TUBG2: variants seen among roughly 807,000 people sequenced by gnomAD.
TUBG2 encodes tubulin gamma 2.
TUBG2 carries 39 observed loss-of-function variants against 55.1 expected under a neutral mutation model. The observed-to-expected ratio is 0.71, with a 90% CI of 0.55 to 0.93. The LOEUF (loss-of-function observed/expected upper bound fraction) is 0.93. Among genes scored for constraint, TUBG2 ranks in the 40% least tolerant of loss-of-function variants. The probability of loss-of-function intolerance (pLI) is 0.00; values close to 1 mark genes in which losing one functional copy is unlikely to be tolerated. For missense variants in TUBG2, 358 were observed against 599.1 expected (o/e 0.60, Z 4.20); for synonymous variants, 223 against 241.0 (o/e 0.93, Z 0.69).
rs2052326128 is a variant in TUBG2, at chr17:42,659,345, C to G, written c.-159C>G. 1.4e-6 allele frequency: 1 copy of G among 692,340 alleles called. No individual in the cohort carries two copies. Among genetic ancestry groups the G allele is most frequent in the East Asian group, 3.3e-5 (1 of 30,584 alleles). The allele number at this position is 692,340 out of a possible 1,614,324, so 42.9% of individuals were successfully genotyped here. On this transcript the variant is annotated 5_prime_UTR_variant, in exon 1 of 11. Coordinates refer to ENST00000251412, the MANE Select transcript of TUBG2 (RefSeq NM_016437.3). ...CAGGTTGGGCTCCCCGGCCCACCGGCCGAGGAGAGGCCTGCGCTGCACACG... is the reference window on the plus strand; with the variant it reads ...CAGGTTGGGCTCCCCGGCCCACCGGGCGAGGAGAGGCCTGCGCTGCACACG...
rs199687730 is a variant in TUBG2 at position 42,666,699 on chromosome 17, G to A, written c.1255G>A (p.Asp419Asn). ...RKEDMFKDNF[D>N]EMDRSREVVQ... Reference sequence around the variant, plus strand: ...GGAGGACATGTTCAAGGACAACTTTGATGAGATGGACAGGTCTAGGGAGGT... The same window carrying A: ...GGAGGACATGTTCAAGGACAACTTTAATGAGATGGACAGGTCTAGGGAGGT... The change falls in exon 11 of 11, where the codon GAT becomes AAT. Residue 419 changes from aspartate (D) to asparagine (N), a missense_variant. By Grantham distance (23) the Asp-to-Asn change is conservative. This residue lies in a region of TUBG2 where 54 missense variants were observed against 50.2 expected (regional missense o/e 1.08). Coordinates refer to ENST00000251412, the MANE Select transcript of TUBG2 (RefSeq NM_016437.3). 6.2e-7 allele frequency: 1 copy of A among 1,614,192 alleles called. No individual in the cohort carries two copies. Among genetic ancestry groups the A allele is most frequent in the East Asian group, 2.2e-5 (1 of 44,888 alleles).
At chr17:42,664,187 G>A (rs935744858) in intron 6 of TUBG2, among the ~76,000 whole-genome samples, 1 of 151,752 alleles carries the variant, frequency 6.6e-6, no homozygotes, top group African/African-American at 2.4e-5. Context: ...GAGGTGGGGG[G>A]ATTGCTTGAG....
rs2052562401 is a variant in TUBG2, at chr17:42,666,866, C to T, written c.*66C>T. 7.0e-6 allele frequency: 11 copies of T among 1,564,382 alleles called. No individual in the cohort carries two copies. In the East Asian group the frequency reaches 2.0e-4, roughly 29 times the overall value. On this transcript the variant is annotated 3_prime_UTR_variant, in exon 11 of 11. Transcript: ENST00000251412. The stretch of plus-strand genomic sequence containing the variant: ...ACAGCCTCGACCATGCCTGCTCCCT[C>T]TGACCCAGCTTCACCTCATGGACAA...
At position 42,660,679 on chromosome 17, in the gene TUBG2, G is replaced by A. The variant is rs2052362113; in HGVS notation, c.371G>A (p.Arg124Gln). The change falls in exon 4 of 11, where the codon CGA becomes CAA. Residue 124 changes from arginine to glutamine, a missense_variant. Coordinates refer to ENST00000251412, the MANE Select transcript of TUBG2 (RefSeq NM_016437.3). ...IHEDIFDIID[R>Q]EADGSDSLEG... is the part of the protein sequence containing the mutation. ...GAAGACATCTTTGACATCATAGACC[G>A]AGAAGCAGATGGAAGTGACAGTTTG... 6.2e-7 allele frequency: 1 copy of A among 1,614,154 alleles called. No homozygotes were observed. Among genetic ancestry groups the A allele is most frequent in the Non-Finnish European group, 8.5e-7 (1 of 1,180,034 alleles).
chr17:42,659,313 T>A lies in TUBG2; in HGVS notation c.-191T>A. Reference sequence around the variant, plus strand: ...CAGCTGCGACTGCTGAGGGAGAAAATGATGCCCAGGTTGGGCTCCCCGGCC... The same window carrying A: ...CAGCTGCGACTGCTGAGGGAGAAAAAGATGCCCAGGTTGGGCTCCCCGGCC... On this transcript the variant is annotated 5_prime_UTR_variant, in exon 1 of 11. An upstream start codon of the reference 5' UTR is lost. Transcript: ENST00000251412. 1 of 545,694 alleles carries A rather than the reference T, an allele frequency of 1.8e-6. No individual in the cohort carries two copies. The highest frequency in any genetic ancestry group is 2.5e-5 in the South Asian group (1 of 40,306). 33.8% of individuals were successfully genotyped at this position (545,694 alleles called of 1,614,324 possible). A position where few individuals can be genotyped will look rare whatever the true frequency, so the allele number is the denominator to read the frequency against.
At chr17:42,665,644 G>T in intron 7 of TUBG2, 34 bp from the exon 8 acceptor site, 1 of 1,614,056 alleles carries the variant, frequency 6.2e-7, no homozygotes, top group East Asian at 2.2e-5. Context: ...TCCCACCCAG[G>T]CCGAGCCCCA....
At chr17:42,660,906 C>T in intron 4 of TUBG2, 199 bp downstream of exon 4, 1 of 549,280 alleles carries the variant, frequency 1.8e-6, no homozygotes, top group East Asian at 3.1e-5. Context: ...ATGGCACCGG[C>T]CCCTTAGGCA....
Position 42,665,532 on chromosome 17 carries a change from G to C in TUBG2, c.663G>C (p.Gln221His), listed in dbSNP as rs1033685521. 1.2e-6 allele frequency: 2 copies of C among 1,614,090 alleles called. No homozygotes were observed. The highest frequency in any genetic ancestry group is 1.7e-6 in the Non-Finnish European group (2 of 1,180,020). ...TTGCCACAGACCGCCTGCACATCCA[G>C]AACCCGTCCTTCTCCCAGATCAACC... The part of the protein sequence containing the change: ...NRIATDRLHI[Q>H]NPSFSQINQL... The change falls in exon 7 of 11, where the codon CAG (glutamine) becomes CAC (histidine). Residue 221 changes from glutamine (Q) to histidine (H), a missense_variant. Gln to His is a conservative substitution (Grantham distance 24). This residue lies in a region of TUBG2 where 52 missense variants were observed against 53.8 expected (regional missense o/e 0.97). Coordinates refer to ENST00000251412, the MANE Select transcript of TUBG2 (RefSeq NM_016437.3).
intron 3 of TUBG2, 67 bp downstream of exon 3, chr17:42,660,383 T>C: frequency 6.2e-7 from 1 of 1,604,218 alleles, no homozygotes; most frequent in Admixed American, 1.7e-5. Context: ...CTCAAGCTAC[T>C]AGGAATTTGA....
In TUBG2 at chr17:42,665,537, C is replaced by T. The variant is rs1197164337; in HGVS notation, c.668C>T (p.Pro223Leu). 12 of 1,614,132 alleles carry T rather than the reference C, an allele frequency of 7.4e-6. No homozygotes were observed. The highest frequency in any genetic ancestry group is 5.3e-5 in the African/African-American group (4 of 75,026). Residue 223 changes from proline (P) to leucine (L), a missense_variant, in exon 7 of 11, where the codon CCG becomes CTG. This residue lies in a region of TUBG2 where 52 missense variants were observed against 53.8 expected (regional missense o/e 0.97). Transcript: ENST00000251412. ...IATDRLHIQN[P>L]SFSQINQLVS... is the part of the protein sequence containing the mutation. ...ACAGACCGCCTGCACATCCAGAACCCGTCCTTCTCCCAGATCAACCAGCTG... is the reference window on the plus strand; with the variant it reads ...ACAGACCGCCTGCACATCCAGAACCTGTCCTTCTCCCAGATCAACCAGCTG...
intron 4 of TUBG2, among the ~76,000 whole-genome samples, chr17:42,661,544 G>A (rs1316921184): frequency 3.9e-5 from 6 of 152,214 alleles, no homozygotes; most frequent in Admixed American, 6.5e-5. Flanking sequence ...GGTCATGCCT[G>A]TGTAATGAAG....
At chr17:42,661,281 T>C (rs536147625) in intron 4 of TUBG2, 1 of 153,052 alleles carries the variant, frequency 6.5e-6, no homozygotes, top group African/African-American at 2.4e-5. Context: ...TAGTTTAATC[T>C]TTCATTTTAT....
chr17:42,663,160 G>C lies in TUBG2; in HGVS notation c.479+108G>C, dbSNP rs748014461. On this transcript the variant is annotated intron_variant, in intron 5 of 10. Coordinates refer to ENST00000251412, the MANE Select transcript of TUBG2 (RefSeq NM_016437.3). ...GCCACTACCCCTTTTGAGTCATAGGGACAGACCCACCCAAGGACCATGTTG... is the reference window on the plus strand; with the variant it reads ...GCCACTACCCCTTTTGAGTCATAGGCACAGACCCACCCAAGGACCATGTTG... 2.2e-6 allele frequency: 3 copies of C among 1,339,804 alleles called. No homozygotes were observed. The East Asian group carries it at 6.9e-5, about 31-fold the overall frequency. The allele number at this position is 1,339,804 out of a possible 1,614,324, so 83.0% of individuals were successfully genotyped here. A position where few individuals can be genotyped will look rare whatever the true frequency, so the allele number is the denominator to read the frequency against.
rs766238368 is a variant in TUBG2, at chr17:42,659,924, G to T, written c.140G>T (p.Arg47Leu). The change falls in exon 2 of 11, where the codon CGC (arginine) becomes CTC (leucine). Residue 47 changes from arginine (R) to leucine (L), a missense_variant. By Grantham distance (102) the Arg-to-Leu change is moderately radical (BLOSUM62 -2). Transcript: ENST00000251412. ...VEEFATEGTD[R>L]KDVFFYQADD... ...GAATTCGCCACCGAGGGCACTGACC[G>T]CAAGGACGTCTTTTTCTACCAGGTG... 6.2e-7 allele frequency: 1 copy of T among 1,609,958 alleles called. No homozygotes were observed. Among genetic ancestry groups the T allele is most frequent in the African/African-American group, 1.3e-5 (1 of 74,490 alleles).
chr17:42,664,325 A>G (rs2052464601), intron 6 of TUBG2, among the ~76,000 whole-genome samples: 1 of 150,968 alleles, frequency 6.6e-6, no homozygotes, highest in African/African-American at 2.4e-5. Context: ...TCCTCAGGCC[A>G]GTGAGTCTCA....
chr17:42,659,672 G>T, intron 1 of TUBG2, 120 bp downstream of exon 1: 1 of 1,385,902 alleles, frequency 7.2e-7, no homozygotes, highest in Non-Finnish European at 9.8e-7. Flanking sequence ...TGCTGCTCTG[G>T]ATAACCCAGA....
At chr17:42,665,848 C>T (rs767773317) in intron 8 of TUBG2, 21 bp downstream of exon 8, 1 of 1,614,018 alleles carries the variant, frequency 6.2e-7, no homozygotes, top group Non-Finnish European at 8.5e-7. Context: ...CCTTCAGTGT[C>T]CCAGGCCAGG....
chr17:42,666,509 T>C (rs887847535), intron 10 of TUBG2, 25 bp downstream of exon 10: 4 of 1,613,810 alleles, frequency 2.5e-6, no homozygotes, highest in Non-Finnish European at 2.5e-6. Context: ...CTATTCTTCT[T>C]AGAAGAGTCT....
In TUBG2 at chr17:42,659,391, C is replaced by A; in HGVS notation, c.-113C>A. Reference sequence around the variant, plus strand: ...ACACGCGCAGACCGAGCATCCGCGTCAAGAGGCGAAGAGAGCGCGCGCTCC... The same window carrying A: ...ACACGCGCAGACCGAGCATCCGCGTAAAGAGGCGAAGAGAGCGCGCGCTCC... On this transcript the variant is annotated 5_prime_UTR_variant, in exon 1 of 11. An upstream open reading frame in the 5' UTR gains an earlier in-frame stop. Transcript: ENST00000251412. 1.7e-6 allele frequency: 2 copies of A among 1,159,732 alleles called. No homozygotes were observed. The highest frequency in any genetic ancestry group is 1.6e-5 in the South Asian group (1 of 64,236). 71.8% of individuals were successfully genotyped at this position (1,159,732 alleles called of 1,614,324 possible).
Sources: gnomAD v4.1 joint callset for allele counts (sites outside exome capture counted in the v4.1 genomes callset) on GRCh38, gnomAD v4.1.1 for gene constraint, gnomAD v4.1.1 regional missense constraint, MANE v1.5 for transcripts, NCBI Gene and HGNC (gene_info 2026-07-23, HGNC 2026-07-21) for gene names.